Variants in GLRA3 observed in about 807,000 individuals in gnomAD.
GLRA3 encodes the protein glycine receptor alpha 3, also known as glycine receptor subunit alpha-3.
A neutral mutation model predicts 60.4 loss-of-function variants in GLRA3; 44 were observed. The ratio of observed to expected loss-of-function variants is 0.73; its 90% CI spans 0.57 to 0.94. The LOEUF (loss-of-function observed/expected upper bound fraction) is 0.94. GLRA3 is among the 40% of genes least tolerant of loss of function. GLRA3 has a pLI of 0.00. For synonymous variants in GLRA3, 223 were observed against 192.9 expected (o/e 1.16, Z -1.29); for missense variants, 508 against 564.6 (o/e 0.90, Z 1.02).
intron 7 of GLRA3, among the ~76,000 whole-genome samples, chr4:174,659,829 G>A (rs62331983): frequency 0.16 from 24,728 of 151,694 alleles, 2,605 homozygotes; most frequent in East Asian, 0.36. Context: ...AAAATTAGCC[G>A]GGTGTGGTGG....
At chr4:174,752,930 A>G (rs907215853) in intron 3 of GLRA3, among the ~76,000 whole-genome samples, 3 of 152,154 alleles carry the variant, frequency 2.0e-5, no homozygotes, top group African/African-American at 7.2e-5. Flanking sequence ...AGATTATAGT[A>G]CTACCTTTGT....
chr4:174,764,174 T>C (rs1034080344), intron 3 of GLRA3, among the ~76,000 whole-genome samples: 1 of 152,070 alleles, frequency 6.6e-6, no homozygotes, highest in Admixed American at 6.6e-5. Flanking sequence ...AATACATTGT[T>C]TGAATTAACT....
At chr4:174,808,603 G>T (rs750692475) in intron 1 of GLRA3, among the ~76,000 whole-genome samples, 66 of 152,062 alleles carry the variant, frequency 4.3e-4, no homozygotes, top group African/African-American at 1.6e-3. Context: ...CCTCAGGCAG[G>T]TCCTTCAGGA....
At chr4:174,723,153 T>G (rs946033141) in intron 4 of GLRA3, among the ~76,000 whole-genome samples, 8 of 152,130 alleles carry the variant, frequency 5.3e-5, no homozygotes, top group Admixed American at 2.0e-4. Context: ...GGGGACATAG[T>G]AGCAAGATCT....
chr4:174,796,214 A>G (rs2111326764), intron 1 of GLRA3, among the ~76,000 whole-genome samples: 1 of 152,252 alleles, frequency 6.6e-6, no homozygotes, highest in Admixed American at 6.5e-5. Flanking sequence ...TTACAGTGAA[A>G]AGAGAGTGGT....
At chr4:174,645,850 A>T (rs1044864878) in intron 9 of GLRA3, among the ~76,000 whole-genome samples, 1 of 152,194 alleles carries the variant, frequency 6.6e-6, no homozygotes, top group Admixed American at 6.5e-5. Context: ...TATTTGCCTT[A>T]AAGTTTTCCA....
chr4:174,701,305 A>G (rs909938070), intron 5 of GLRA3, among the ~76,000 whole-genome samples: 1 of 152,214 alleles, frequency 6.6e-6, no homozygotes, highest in African/African-American at 2.4e-5. Flanking sequence ...AGCCTGGATG[A>G]CAGCCCACCT....
chr4:174,753,177 C>T (rs1314368371), intron 3 of GLRA3, among the ~76,000 whole-genome samples: 1 of 152,152 alleles, frequency 6.6e-6, no homozygotes. Context: ...TGACAGGACA[C>T]TTGTGGCACA....
intron 2 of GLRA3, among the ~76,000 whole-genome samples, chr4:174,785,601 C>T (rs1739093056): frequency 6.6e-6 from 1 of 152,088 alleles, no homozygotes; most frequent in South Asian, 2.1e-4. Flanking sequence ...ACTTTGAAGT[C>T]CAGAGAGGGC....
At chr4:174,805,226 G>A (rs1662217884) in intron 1 of GLRA3, among the ~76,000 whole-genome samples, 1 of 152,132 alleles carries the variant, frequency 6.6e-6, no homozygotes, top group Admixed American at 6.5e-5. Context: ...GTATTAGGAT[G>A]AGTGTGGTGG....
chr4:174,648,059 T>C (rs1026480241), intron 9 of GLRA3, among the ~76,000 whole-genome samples: 11 of 152,186 alleles, frequency 7.2e-5, no homozygotes, highest in African/African-American at 2.4e-4. Flanking sequence ...AAGTAATGTT[T>C]GGTGTGAATG....
rs773972793 is a variant in GLRA3, at chr4:174,798,696, G to A, written c.72-9753C>T. ...TCCCAGCACTTTGGGAGGCCAAGGC[G>A]GGCGGATCACGAGGTCAGTAGACGG... is the stretch of plus-strand genomic sequence containing the variant. On this transcript the variant is annotated intron_variant, in intron 1 of 9. Transcript: ENST00000274093. 1.1e-4 allele frequency among the ~76,000 whole-genome samples: 16 copies of A among 152,300 alleles called. No homozygotes were observed. The South Asian group carries it at 1.7e-3, about 16-fold the overall frequency.
intron 7 of GLRA3, among the ~76,000 whole-genome samples, chr4:174,671,682 T>C (rs1278620109): frequency 6.6e-6 from 1 of 152,170 alleles, no homozygotes; most frequent in Non-Finnish European, 1.5e-5. Context: ...CAGAGTCTCA[T>C]TCTGTCACCC....
intron 6 of GLRA3, among the ~76,000 whole-genome samples, chr4:174,680,698 T>A (rs1401936501): frequency 6.6e-6 from 1 of 152,120 alleles, no homozygotes; most frequent in Non-Finnish European, 1.5e-5. Flanking sequence ...AGGAGACAGA[T>A]CATAGGATGC....
chr4:174,644,405 ATT>A (rs35207319), intron 9 of GLRA3, among the ~76,000 whole-genome samples: 20 of 143,922 alleles, frequency 1.4e-4, no homozygotes, highest in Non-Finnish European at 2.2e-4. Context: ...CATAAACTAG[ATT>A]TTTTTTTTTG....
At chr4:174,644,451 G>C (rs78387316) in intron 9 of GLRA3, among the ~76,000 whole-genome samples, 1 of 149,650 alleles carries the variant, frequency 6.7e-6, no homozygotes, top group African/African-American at 2.5e-5. Context: ...GTGTGATGTC[G>C]AAGGGGAACA....
intron 1 of GLRA3, among the ~76,000 whole-genome samples, chr4:174,810,467 T>C (rs1740218809): frequency 2.0e-5 from 3 of 151,628 alleles, no homozygotes; most frequent in South Asian, 2.1e-4. Context: ...TATGTATTTA[T>C]TTGTGGTCAC....
At chr4:174,736,143 T>C (rs143125368) in intron 3 of GLRA3, among the ~76,000 whole-genome samples, 6,578 of 152,182 alleles carry the variant, frequency 0.043, 167 homozygotes, top group Admixed American at 0.06. Flanking sequence ...ATCATAATGA[T>C]TTTGAAGACA....
chr4:174,731,236 T>A (rs1736533621), intron 3 of GLRA3, among the ~76,000 whole-genome samples: 1 of 152,188 alleles, frequency 6.6e-6, no homozygotes, highest in Non-Finnish European at 1.5e-5. Context: ...AATGTTTTTT[T>A]AAGGCTGATT....
Sources: gnomAD v4.1 joint callset for allele counts (sites outside exome capture counted in the v4.1 genomes callset) on GRCh38, gnomAD v4.1.1 for gene constraint, MANE v1.5 for transcripts, NCBI Gene and HGNC (gene_info 2026-07-23, HGNC 2026-07-21) for gene names.